Variants in DPP6 observed in about 807,000 individuals in gnomAD.
DPP6 encodes the protein dipeptidyl peptidase like 6.
Under a neutral mutation model 122.6 loss-of-function variants are expected in DPP6, and 69 were observed. That is an observed-to-expected ratio of 0.56 (90% CI 0.46 to 0.69). DPP6 has a LOEUF of 0.69. Among genes scored for constraint, DPP6 ranks in the 30% least tolerant of loss-of-function variants. DPP6 has a pLI of 0.00. For missense variants in DPP6, 928 were observed against 1,116.9 expected (o/e 0.83, Z 2.41); for synonymous variants, 418 against 433.1 (o/e 0.97, Z 0.43).
At chr7:154,185,318 CT>C (rs577294303) in intron 1 of DPP6, among the ~76,000 whole-genome samples, 1 of 152,024 alleles carries the variant, frequency 6.6e-6, no homozygotes, top group African/African-American at 2.4e-5. Context: ...GAATTCATTG[CT>C]TTTTTTTCAG....
At chr7:154,105,810 G>A (rs958873051) in intron 1 of DPP6, among the ~76,000 whole-genome samples, 6 of 152,048 alleles carry the variant, frequency 3.9e-5, no homozygotes, top group African/African-American at 1.4e-4. Context: ...CCAGCCATGT[G>A]GAACTGTGAG....
chr7:154,061,312 C>G (rs1411904774), intron 1 of DPP6, among the ~76,000 whole-genome samples: 2 of 148,340 alleles, frequency 1.3e-5, no homozygotes, highest in Non-Finnish European at 3.0e-5. Flanking sequence ...GCAGCCCCAG[C>G]CCTGGGGCTA....
chr7:154,584,483 A>C (rs1832299820), intron 5 of DPP6, among the ~76,000 whole-genome samples: 1 of 152,240 alleles, frequency 6.6e-6, no homozygotes, highest in South Asian at 2.1e-4. Flanking sequence ...TGGCTGATCC[A>C]CAATAGAGCC....
chr7:153,904,853 G>A (rs1029125402), intron 1 of DPP6, among the ~76,000 whole-genome samples: 2 of 152,244 alleles, frequency 1.3e-5, no homozygotes, highest in Non-Finnish European at 1.5e-5. Flanking sequence ...ATGAAAGACA[G>A]GTGAACAGGA....
intron 1 of DPP6, among the ~76,000 whole-genome samples, chr7:154,171,258 A>G (rs757275474): frequency 5.3e-4 from 80 of 152,208 alleles, no homozygotes; most frequent in Non-Finnish European, 1.1e-3. Context: ...ACTGCCAAAT[A>G]TACGCTTCAA....
chr7:153,775,030 A>G, the DPP6 span, among the ~76,000 whole-genome samples: 14 of 151,354 alleles, frequency 9.2e-5, no homozygotes, highest in East Asian at 2.7e-3. Flanking sequence ...CAGAGAAGAT[A>G]GAACACTTCT....
intron 1 of DPP6, among the ~76,000 whole-genome samples, chr7:154,307,431 G>A (rs549044371): frequency 1.1e-3 from 160 of 152,268 alleles, no homozygotes; most frequent in African/African-American, 3.6e-3. Context: ...TTGTGAAGCC[G>A]CTTTTTCTCC....
At chr7:154,292,895 C>T (rs914923823) in intron 1 of DPP6, among the ~76,000 whole-genome samples, 1 of 152,188 alleles carries the variant, frequency 6.6e-6, no homozygotes, top group East Asian at 1.9e-4. Flanking sequence ...ATTCTACCTT[C>T]TCTCTTTTAA....
chr7:154,481,797 C>G lies in DPP6; in HGVS notation c.457+6760C>G, dbSNP rs1362864903. Reference sequence around the variant, plus strand: ...TTTAAGTTGCTCCCTAATTCTTGCTCTGCCCCACATTGACTCTTCTGGTTT... The same window carrying G: ...TTTAAGTTGCTCCCTAATTCTTGCTGTGCCCCACATTGACTCTTCTGGTTT... On this transcript the variant is annotated intron_variant, in intron 3 of 25. Transcript: ENST00000377770. The surrounding 1 kb of genome is among the most constrained non-coding windows in gnomAD (Gnocchi z 4.2). 6.6e-6 allele frequency among the ~76,000 whole-genome samples: 1 copy of G among 152,182 alleles called. No individual in the cohort carries two copies. The highest frequency in any genetic ancestry group is 1.5e-5 in the Non-Finnish European group (1 of 68,038).
chr7:154,513,876 C>T (rs1296789513), intron 3 of DPP6, among the ~76,000 whole-genome samples: 1 of 152,198 alleles, frequency 6.6e-6, no homozygotes. Context: ...TACTCAAACC[C>T]ATACATCTTT....
At chr7:154,512,194 G>A (rs368185903) in intron 3 of DPP6, among the ~76,000 whole-genome samples, 314 of 152,116 alleles carry the variant, frequency 2.1e-3, no homozygotes, top group Middle Eastern at 6.8e-3. Flanking sequence ...CCAGCTAATC[G>A]GAAAAGCTTT....
intron 10 of DPP6, among the ~76,000 whole-genome samples, chr7:154,777,652 G>A (rs952886822): frequency 1.3e-5 from 2 of 152,136 alleles, no homozygotes; most frequent in Admixed American, 6.5e-5. Flanking sequence ...TAGCCAGCAC[G>A]ATCATTCTGA....
chr7:153,779,355 T>G, the DPP6 span, among the ~76,000 whole-genome samples: 1 of 151,850 alleles, frequency 6.6e-6, no homozygotes, highest in Non-Finnish European at 1.5e-5. Context: ...GATCCACCCT[T>G]AATGCTAAAA....
chr7:153,835,049 A>G, the DPP6 span, among the ~76,000 whole-genome samples: 1 of 152,208 alleles, frequency 6.6e-6, no homozygotes. Flanking sequence ...GTGCCCCCTC[A>G]TTCTTGTTAT....
chr7:154,623,149 C>T (rs1026901034), intron 5 of DPP6, among the ~76,000 whole-genome samples: 4 of 152,154 alleles, frequency 2.6e-5, no homozygotes, highest in Non-Finnish European at 5.9e-5. Flanking sequence ...CCTTCATGTT[C>T]AGCAGCCTTG....
chr7:154,531,584 A>T (rs1827841228), intron 3 of DPP6, among the ~76,000 whole-genome samples: 2 of 152,230 alleles, frequency 1.3e-5, no homozygotes, highest in South Asian at 4.1e-4. Context: ...TCAAATCTTG[A>T]TAAAGAATAA....
At chr7:154,037,275 A>G (rs1799582486) in intron 1 of DPP6, among the ~76,000 whole-genome samples, 1 of 152,084 alleles carries the variant, frequency 6.6e-6, no homozygotes, top group Admixed American at 6.6e-5. Context: ...TATTCTATGA[A>G]TTTACTTTCC....
At chr7:154,860,305 C>T (rs1009639138) in intron 17 of DPP6, among the ~76,000 whole-genome samples, 3 of 152,194 alleles carry the variant, frequency 2.0e-5, no homozygotes, top group Admixed American at 6.5e-5. Flanking sequence ...GCATGGCATT[C>T]CAGAGGGCCC....
chr7:154,368,744 T>A (rs1159681605), intron 1 of DPP6, among the ~76,000 whole-genome samples: 1 of 152,240 alleles, frequency 6.6e-6, no homozygotes, highest in Non-Finnish European at 1.5e-5. Flanking sequence ...ATTCATTAGA[T>A]GAATTAAATT....
Sources: gnomAD v4.1 joint callset for allele counts (sites outside exome capture counted in the v4.1 genomes callset) on GRCh38, gnomAD v4.1.1 for gene constraint, Gnocchi (gnomAD v3.1) non-coding constraint, MANE v1.5 for transcripts, NCBI Gene and HGNC (gene_info 2026-07-23, HGNC 2026-07-21) for gene names.